SGCE: variants seen among roughly 807,000 people sequenced by gnomAD.
SGCE encodes sarcoglycan epsilon, also known as epsilon-sarcoglycan.
SGCE carries 26 observed loss-of-function variants against 57.8 expected under a neutral mutation model. The ratio of observed to expected loss-of-function variants is 0.45; its 90% CI spans 0.33 to 0.62. The LOEUF (loss-of-function observed/expected upper bound fraction) is 0.62. Ranked by LOEUF, SGCE falls within the 20% of genes least tolerant of loss-of-function variation. SGCE has a pLI of 0.02. For missense variants in SGCE, 468 were observed against 548.6 expected, an observed-to-expected ratio of 0.85 and a Z score of 1.47; for synonymous variants, 183 against 189.5, an observed-to-expected ratio of 0.97 and a Z score of 0.28.
chr7:94,591,584 C>T (rs1018562949), intron 9 of SGCE, among the ~76,000 whole-genome samples: 1 of 151,988 alleles, frequency 6.6e-6, no homozygotes, highest in Non-Finnish European at 1.5e-5. Context: ...TAAGGATCCT[C>T]CAAATTCAAA....
chr7:94,608,703 T>C (rs940267151), intron 5 of SGCE, among the ~76,000 whole-genome samples: 1 of 152,150 alleles, frequency 6.6e-6, no homozygotes, highest in Non-Finnish European at 1.5e-5. Context: ...CAAGACAGTG[T>C]AGTATTGGGA....
At chr7:94,630,234 TC>T (rs1249114358) in intron 1 of SGCE, among the ~76,000 whole-genome samples, 1 of 151,868 alleles carries the variant, frequency 6.6e-6, no homozygotes, top group East Asian at 1.9e-4. Flanking sequence ...TTTTCTTCTT[TC>T]CTTTTTTTTA....
At chr7:94,608,467 A>C (rs1800502913) in intron 5 of SGCE, among the ~76,000 whole-genome samples, 1 of 152,274 alleles carries the variant, frequency 6.6e-6, no homozygotes, top group African/African-American at 2.4e-5. Context: ...ATGGATAGGA[A>C]GACTAAATAT....
chr7:94,628,497 C>A (rs964640509), intron 2 of SGCE, 138 bp from the exon 3 acceptor site: 2 of 641,208 alleles, frequency 3.1e-6, no homozygotes, highest in Non-Finnish European at 2.7e-6. Flanking sequence ...CAAAACCCAT[C>A]TGGGAATTTA....
intron 9 of SGCE, chr7:94,598,412 C>T (rs937322156): frequency 4.0e-6 from 1 of 248,240 alleles, no homozygotes; most frequent in African/African-American, 2.3e-5. Flanking sequence ...TAGGTTTAAA[C>T]CAAATAATTC....
At chr7:94,640,000 G>A (rs900937432) in intron 1 of SGCE, among the ~76,000 whole-genome samples, 2 of 152,142 alleles carry the variant, frequency 1.3e-5, no homozygotes, top group Non-Finnish European at 1.5e-5. Context: ...AAGACACCTT[G>A]TAATGGAGAT....
At chr7:94,607,125 C>T (rs1372201645) in intron 5 of SGCE, among the ~76,000 whole-genome samples, 1 of 151,934 alleles carries the variant, frequency 6.6e-6, no homozygotes, top group Admixed American at 6.6e-5. Flanking sequence ...CTGCACAGGC[C>T]TATATGTAGT....
chr7:94,639,302 G>A (rs1806048113), intron 1 of SGCE: 4 of 1,210,166 alleles, frequency 3.3e-6, no homozygotes, highest in Non-Finnish European at 4.7e-6. Flanking sequence ...CATTTAATTG[G>A]CTCCCCCAAA....
intron 6 of SGCE, among the ~76,000 whole-genome samples, chr7:94,602,992 T>A (rs1799512349): frequency 2.0e-5 from 3 of 152,194 alleles, no homozygotes; most frequent in South Asian, 2.1e-4. Context: ...TCATACTAAC[T>A]CCACTATCTG....
At chr7:94,639,884 G>A (rs563995029) in intron 1 of SGCE, among the ~76,000 whole-genome samples, 15 of 152,270 alleles carry the variant, frequency 9.9e-5, no homozygotes, top group African/African-American at 3.6e-4. Context: ...CACACTGGCA[G>A]CAATGACTAG....
intron 1 of SGCE, among the ~76,000 whole-genome samples, chr7:94,640,320 C>T (rs906123074): frequency 6.6e-6 from 1 of 152,046 alleles, no homozygotes; most frequent in Non-Finnish European, 1.5e-5. Context: ...AAGCCAAAGC[C>T]CTAGTGTGAT....
At chr7:94,605,084 A>G (rs10231656) in intron 5 of SGCE, among the ~76,000 whole-genome samples, 25,132 of 151,460 alleles carry the variant, frequency 0.17, 2,146 homozygotes, top group East Asian at 0.3. Flanking sequence ...TCCATACATT[A>G]GTCCAGCTAG....
chr7:94,631,323 C>T (rs561773694), intron 1 of SGCE, among the ~76,000 whole-genome samples: 1 of 151,390 alleles, frequency 6.6e-6, no homozygotes, highest in South Asian at 2.1e-4. Flanking sequence ...CAGTTTGATA[C>T]CACAATGTAC....
chr7:94,590,341 G>C (rs964321209), intron 9 of SGCE, among the ~76,000 whole-genome samples: 1 of 151,818 alleles, frequency 6.6e-6, no homozygotes, highest in African/African-American at 2.4e-5. Context: ...CACAAATTAG[G>C]TTACCATTTA....
chr7:94,642,604 C>G (rs1806551183), intron 1 of SGCE, among the ~76,000 whole-genome samples: 1 of 152,164 alleles, frequency 6.6e-6, no homozygotes, highest in Admixed American at 6.5e-5. Context: ...CTCTAGAAGA[C>G]AGAGGAGCCA....
chr7:94,633,781 A>G (rs180880162), intron 1 of SGCE, among the ~76,000 whole-genome samples: 1 of 152,172 alleles, frequency 6.6e-6, no homozygotes, highest in African/African-American at 2.4e-5. Flanking sequence ...GTAAACATTA[A>G]ATTTTGAAAG....
intron 1 of SGCE, chr7:94,639,439 A>G: frequency 6.6e-7 from 1 of 1,526,064 alleles, no homozygotes. Flanking sequence ...AGCACAGCTT[A>G]ATAAAAAAGC....
chr7:94,597,296 G>C (rs1194129849), intron 9 of SGCE: 1 of 152,128 alleles, frequency 6.6e-6, no homozygotes, highest in Non-Finnish European at 1.5e-5. Context: ...ACCTTAGTCT[G>C]TATGACCCTA....
chr7:94,585,642 T>C, intron 10 of SGCE, 127 bp from the exon 11 acceptor site: 1 of 700,846 alleles, frequency 1.4e-6, no homozygotes, highest in Non-Finnish European at 2.6e-6. Flanking sequence ...AATAATTACA[T>C]TGCATTATTT....
Sources: allele counts gnomAD v4.1 joint callset (sites outside exome capture counted in the v4.1 genomes callset), GRCh38; gene constraint gnomAD v4.1.1; transcripts MANE v1.5; gene names NCBI Gene and HGNC (gene_info 2026-07-23, HGNC 2026-07-21).